DTNA: variants seen among roughly 807,000 people sequenced by gnomAD.
DTNA encodes the protein dystrophin-related protein 3.
A neutral mutation model predicts 100.7 loss-of-function variants in DTNA; 43 were observed. That is an observed-to-expected ratio of 0.43 (90% confidence interval 0.33 to 0.55). The LOEUF is 0.55. Ranked by LOEUF, DTNA falls within the 20% of genes least tolerant of loss-of-function variation. The pLI is 0.04. For missense variants in DTNA, 798 were observed against 953.9 expected, an observed-to-expected ratio of 0.84 and a Z score of 2.15; for synonymous variants, 349 against 347.9, an observed-to-expected ratio of 1.00 and a Z score of -0.04.
intron 1 of DTNA, among the ~76,000 whole-genome samples, chr18:34,688,363 C>A (rs2079212613): frequency 6.6e-6 from 1 of 152,142 alleles, no homozygotes; most frequent in African/African-American, 2.4e-5. Context: ...TTAGTATTTG[C>A]TTGTCTGTAA....
At chr18:34,787,143 T>TTCCATTGTGAAGCCACAGTTA (rs1485501467) in intron 3 of DTNA, among the ~76,000 whole-genome samples, 115 of 152,348 alleles carry the variant, frequency 7.5e-4, no homozygotes, top group African/African-American at 2.6e-3. Flanking sequence ...TTGCAGGTGA[T>TTCCATTGTGAAGCCACAGTTA]TCCATTGTGA....
chr18:34,828,854 A>AT (rs952575998), intron 10 of DTNA, among the ~76,000 whole-genome samples: 46 of 150,002 alleles, frequency 3.1e-4, no homozygotes, highest in South Asian at 1.7e-3. Context: ...AAATGCAACC[A>AT]TTTTTTTTTT....
intron 1 of DTNA, among the ~76,000 whole-genome samples, chr18:34,754,623 C>T (rs1478767113): frequency 6.6e-6 from 1 of 152,106 alleles, no homozygotes; most frequent in African/African-American, 2.4e-5. Context: ...GTTTTGTTTC[C>T]ATTCGTTTAT....
At chr18:34,578,108 A>G (rs879365964) in intron 1 of DTNA, among the ~76,000 whole-genome samples, 5 of 151,746 alleles carry the variant, frequency 3.3e-5, no homozygotes, top group Admixed American at 6.6e-5. Context: ...TTCCCTCTTC[A>G]CTGCATCCAC....
At chr18:34,714,509 A>C (rs2083556842) in intron 1 of DTNA, among the ~76,000 whole-genome samples, 1 of 149,836 alleles carries the variant, frequency 6.7e-6, no homozygotes. Flanking sequence ...GCCATCAGAG[A>C]AATGCAAATC....
chr18:34,707,435 T>C (rs926099098), upstream of DTNA, among the ~76,000 whole-genome samples: 2 of 152,164 alleles, frequency 1.3e-5, no homozygotes, highest in East Asian at 1.9e-4. Flanking sequence ...TTTAAAACTT[T>C]GTGAAACCAA....
intron 21 of DTNA, among the ~76,000 whole-genome samples, chr18:34,883,898 T>TA: frequency 6.6e-6 from 1 of 151,916 alleles, no homozygotes; most frequent in Non-Finnish European, 1.5e-5. Flanking sequence ...AGAAAGAGGG[T>TA]AAAAGAAAAA....
chr18:34,809,580 T>G (rs1369045264), intron 5 of DTNA, among the ~76,000 whole-genome samples: 1 of 152,238 alleles, frequency 6.6e-6, no homozygotes, highest in African/African-American at 2.4e-5. Context: ...TTGTTTTCCC[T>G]TCTTTAAAGT....
chr18:34,831,933 A>G (rs1465179183), intron 11 of DTNA, among the ~76,000 whole-genome samples: 2 of 152,216 alleles, frequency 1.3e-5, no homozygotes, highest in Non-Finnish European at 2.9e-5. Flanking sequence ...TGGGTTTTCA[A>G]CCAAAGAAAT....
intron 14 of DTNA, among the ~76,000 whole-genome samples, chr18:34,849,780 GCT>G (rs1372448582): frequency 6.6e-6 from 1 of 152,226 alleles, no homozygotes; most frequent in Non-Finnish European, 1.5e-5. Context: ...ACAGCAGGCA[GCT>G]GGAGTGGAGG....
At chr18:34,861,732 AAG>A (rs1245753794) in intron 16 of DTNA, among the ~76,000 whole-genome samples, 48 of 152,306 alleles carry the variant, frequency 3.2e-4, no homozygotes, top group African/African-American at 1.1e-3. Flanking sequence ...AGATTGAATG[AAG>A]ACACTCTTAA....
chr18:34,701,725 T>A (rs1229873871), intron 1 of DTNA, among the ~76,000 whole-genome samples: 1 of 152,186 alleles, frequency 6.6e-6, no homozygotes, highest in Non-Finnish European at 1.5e-5. Flanking sequence ...GGCATCTCCA[T>A]TTATCTCAGA....
intron 3 of DTNA, among the ~76,000 whole-genome samples, chr18:34,791,323 C>T (rs1241900365): frequency 6.6e-6 from 1 of 152,096 alleles, no homozygotes; most frequent in Non-Finnish European, 1.5e-5. Context: ...TCCACATCAT[C>T]CACAACCAGG....
At chr18:34,726,662 G>A (rs913001021) in intron 1 of DTNA, among the ~76,000 whole-genome samples, 20 of 152,186 alleles carry the variant, frequency 1.3e-4, no homozygotes, top group Non-Finnish European at 2.9e-5. Context: ...CTGGTGCAAG[G>A]GATGGACTCC....
At chr18:34,723,470 T>C (rs2085839756) in intron 1 of DTNA, among the ~76,000 whole-genome samples, 1 of 152,218 alleles carries the variant, frequency 6.6e-6, no homozygotes. Flanking sequence ...ATAGAAATAA[T>C]TTATATATTG....
chr18:34,643,944 CTG>C (rs1466916494), intron 1 of DTNA, among the ~76,000 whole-genome samples: 2 of 152,056 alleles, frequency 1.3e-5, no homozygotes, highest in African/African-American at 2.4e-5. Flanking sequence ...TAGAACAAAA[CTG>C]TATAATTCAT....
intron 2 of DTNA, among the ~76,000 whole-genome samples, chr18:34,758,000 C>A (rs770313628): frequency 1.8e-4 from 27 of 152,152 alleles, no homozygotes; most frequent in Non-Finnish European, 4.4e-5. Flanking sequence ...GGCACATCCA[C>A]AATAAGTAGG....
chr18:34,877,906 A>T, intron 19 of DTNA, 98 bp downstream of exon 19: 1 of 1,034,006 alleles, frequency 9.7e-7, no homozygotes, highest in Non-Finnish European at 1.5e-6. Context: ...CTAATATCAA[A>T]AGATTCTTTA....
In DTNA at chr18:34,890,644, A is replaced by G; in HGVS notation, c.*2910A>G. 2.4e-6 allele frequency: 2 copies of G among 836,324 alleles called. No individual in the cohort carries two copies. Among genetic ancestry groups the G allele is most frequent in the South Asian group, 2.0e-5 (1 of 50,762 alleles). The allele number at this position is 836,324 out of a possible 1,614,324, so 51.8% of individuals were successfully genotyped here. On this transcript the variant is annotated 3_prime_UTR_variant, in exon 23 of 23. Transcript: ENST00000444659. ...AGGGGAGGAAGGTGAAATCTACTGC[A>G]TGGGATTCAGGAAACAGTTGTGGTT...
Sources: gnomAD v4.1 joint callset for allele counts (sites outside exome capture counted in the v4.1 genomes callset) on GRCh38, gnomAD v4.1.1 for gene constraint, MANE v1.5 for transcripts, NCBI Gene and HGNC (gene_info 2026-07-23, HGNC 2026-07-21) for gene names.